The following ARL15 variants were observed in gnomAD, a reference collection of about 807,000 sequenced individuals.
The protein encoded by ARL15 is ARF like GTPase 15, also known as ADP-ribosylation factor-like protein 15.
Under a neutral mutation model 25.2 loss-of-function variants are expected in ARL15, and 19 were observed. The observed-to-expected ratio is 0.75, with a 90% CI of 0.53 to 1.10. The LOEUF (loss-of-function observed/expected upper bound fraction) is 1.10. Among genes scored for constraint, ARL15 ranks in the 50% least tolerant of loss-of-function variants. ARL15 has a pLI of 0.00. For synonymous variants in ARL15, 94 were observed against 86.8 expected (o/e 1.08, Z -0.46); for missense variants, 220 against 246.0 (o/e 0.89, Z 0.71).
chr5:54,155,761 C>T (rs1754213958), intron 2 of ARL15, among the ~76,000 whole-genome samples: 1 of 151,624 alleles, frequency 6.6e-6, no homozygotes, highest in Non-Finnish European at 1.5e-5. Flanking sequence ...CCACAAGAAA[C>T]CAGAGCTAAT....
At chr5:54,058,003 TA>T (rs1245460774) in intron 4 of ARL15, among the ~76,000 whole-genome samples, 1,516 of 143,374 alleles carry the variant, frequency 0.011, 20 homozygotes, top group Non-Finnish European at 0.016. Context: ...TTTATTTATT[TA>T]TTTATTTATT....
chr5:54,214,710 C>A (rs1756132728), intron 1 of ARL15, among the ~76,000 whole-genome samples: 2 of 152,138 alleles, frequency 1.3e-5, no homozygotes, highest in South Asian at 4.1e-4. Context: ...TTCCATTCTT[C>A]TGACTTCATT....
At chr5:54,266,521 C>G (rs1757631847) in intron 1 of ARL15, among the ~76,000 whole-genome samples, 1 of 152,142 alleles carries the variant, frequency 6.6e-6, no homozygotes, top group South Asian at 2.1e-4. Flanking sequence ...AATCTATTAT[C>G]TCTCTGTATT....
At chr5:53,923,714 T>C (rs1745926891) in intron 4 of ARL15, among the ~76,000 whole-genome samples, 1 of 152,078 alleles carries the variant, frequency 6.6e-6, no homozygotes, top group African/African-American at 2.4e-5. Flanking sequence ...AACCTGATTA[T>C]ATTAGCCAGG....
intron 4 of ARL15, among the ~76,000 whole-genome samples, chr5:54,084,587 T>A (rs369254682): frequency 2.0e-5 from 3 of 152,154 alleles, no homozygotes; most frequent in Non-Finnish European, 2.9e-5. Flanking sequence ...ATTGTTTTTG[T>A]ACGACCCCCA....
chr5:53,952,756 A>G (rs988780719), intron 4 of ARL15, among the ~76,000 whole-genome samples: 26 of 152,218 alleles, frequency 1.7e-4, no homozygotes, highest in African/African-American at 6.0e-4. Context: ...ATTAGGTGTC[A>G]GATGATAAAA....
intron 4 of ARL15, among the ~76,000 whole-genome samples, chr5:53,950,576 A>T (rs1293370215): frequency 6.6e-6 from 1 of 152,198 alleles, no homozygotes; most frequent in African/African-American, 2.4e-5. Flanking sequence ...ATTTCAACTC[A>T]TGCTCTATCA....
At chr5:53,914,695 C>A (rs1745578327) in intron 4 of ARL15, among the ~76,000 whole-genome samples, 1 of 152,246 alleles carries the variant, frequency 6.6e-6, no homozygotes, top group Non-Finnish European at 1.5e-5. Context: ...GAGGCAGATG[C>A]TCAGAGTGTT....
chr5:54,057,586 A>AT (rs2112015658), intron 4 of ARL15, among the ~76,000 whole-genome samples: 2 of 152,362 alleles, frequency 1.3e-5, no homozygotes, highest in East Asian at 1.9e-4. Context: ...TAAGTGGCTC[A>AT]TGCCTGTAAT....
intron 3 of ARL15, among the ~76,000 whole-genome samples, chr5:54,143,203 A>C (rs1753817827): frequency 6.6e-6 from 1 of 152,116 alleles, no homozygotes; most frequent in Non-Finnish European, 1.5e-5. Context: ...AGGAGAGCTA[A>C]ATTTCCCTAC....
intron 4 of ARL15, among the ~76,000 whole-genome samples, chr5:53,945,393 A>T (rs1746689840): frequency 1.3e-5 from 2 of 152,212 alleles, no homozygotes; most frequent in South Asian, 4.1e-4. Context: ...AGGGGTTTGT[A>T]GTCTCCATAA....
At chr5:54,107,943 G>A (rs894613638) in intron 4 of ARL15, among the ~76,000 whole-genome samples, 1 of 151,888 alleles carries the variant, frequency 6.6e-6, no homozygotes, top group Non-Finnish European at 1.5e-5. Flanking sequence ...CAGGTATACA[G>A]AGGAAAAAAC....
At chr5:54,023,275 G>A (rs1023790865) in intron 4 of ARL15, among the ~76,000 whole-genome samples, 3 of 114,930 alleles carry the variant, frequency 2.6e-5, no homozygotes, top group African/African-American at 6.2e-5. Flanking sequence ...TACCTAAAAC[G>A]ACACTAAAAA....
At chr5:54,302,118 ACT>A in intron 1 of ARL15, among the ~76,000 whole-genome samples, 1 of 152,338 alleles carries the variant, frequency 6.6e-6, no homozygotes, top group Non-Finnish European at 1.5e-5. Flanking sequence ...TGGGAGCTGC[ACT>A]GTCACTGAGT....
chr5:53,887,127 G>A (rs1418801113), intron 4 of ARL15, among the ~76,000 whole-genome samples: 5 of 152,196 alleles, frequency 3.3e-5, no homozygotes, highest in African/African-American at 9.6e-5. Flanking sequence ...ACTTACAGTA[G>A]GTACTATATT....
At chr5:54,287,578 G>A (rs1011469566) in intron 1 of ARL15, among the ~76,000 whole-genome samples, 1 of 151,778 alleles carries the variant, frequency 6.6e-6, no homozygotes, top group African/African-American at 2.4e-5. Context: ...CACCTTCCTA[G>A]TCTTTGCAAA....
chr5:54,143,913 G>T (rs554123480), intron 3 of ARL15, among the ~76,000 whole-genome samples: 17 of 151,794 alleles, frequency 1.1e-4, no homozygotes, highest in Non-Finnish European at 2.1e-4. Flanking sequence ...ATTCTTAATT[G>T]CCTTTAAGAC....
intron 4 of ARL15, among the ~76,000 whole-genome samples, chr5:54,067,434 G>A (rs1192666114): frequency 6.6e-6 from 1 of 152,164 alleles, no homozygotes; most frequent in Non-Finnish European, 1.5e-5. Context: ...CATGCTTGCA[G>A]GCATGAAAGA....
At chr5:54,134,550 C>T (rs1358562920) in intron 3 of ARL15, among the ~76,000 whole-genome samples, 2 of 146,694 alleles carry the variant, frequency 1.4e-5, no homozygotes, top group African/African-American at 5.1e-5. Context: ...CCTGTGAGCT[C>T]CCTGAAGGAA....
Sources: gnomAD v4.1 joint callset for allele counts (sites outside exome capture counted in the v4.1 genomes callset) on GRCh38, gnomAD v4.1.1 for gene constraint, MANE v1.5 for transcripts, NCBI Gene and HGNC (gene_info 2026-07-23, HGNC 2026-07-21) for gene names.